Variants in CSMD1 observed in about 807,000 individuals in gnomAD.
The protein encoded by CSMD1 is CUB and sushi domain-containing protein 1.
In CSMD1, 213 loss-of-function variants were observed where a neutral mutation model predicts 417.5. The ratio of observed to expected loss-of-function variants is 0.51; its 90% CI spans 0.46 to 0.57. CSMD1 has a LOEUF of 0.57. Ranked by LOEUF, CSMD1 falls within the 20% of genes least tolerant of loss-of-function variation. The pLI, the probability that CSMD1 is intolerant of heterozygous loss-of-function variation, is 0.00. For missense variants in CSMD1, 6,923 were observed against 4,529.7 expected, an observed-to-expected ratio of 1.53 and a Z score of -15.17; for synonymous variants, 2,862 against 1,736.8, an observed-to-expected ratio of 1.65 and a Z score of -16.11.
intron 1 of CSMD1, among the ~76,000 whole-genome samples, chr8:4,749,735 A>G (rs1008416470): frequency 1.3e-5 from 2 of 152,208 alleles, no homozygotes; most frequent in East Asian, 1.9e-4. Context: ...TAATAATTAC[A>G]TATTTCATAA....
intron 3 of CSMD1, among the ~76,000 whole-genome samples, chr8:4,380,711 G>T (rs1394586131): frequency 1.3e-5 from 2 of 152,162 alleles, no homozygotes; most frequent in Non-Finnish European, 2.9e-5. Context: ...GAGGATTGTG[G>T]ATGTTGTATC....
At position 4,012,504 on chromosome 8, in the gene CSMD1, G is replaced by C. The variant is rs142552366; in HGVS notation, c.611-14394C>G. On this transcript the variant is annotated intron_variant, in intron 4 of 69. Coordinates refer to ENST00000635120, the MANE Select transcript of CSMD1 (RefSeq NM_033225.6). ...CATAAATCTTGTGTTTCGAGGTGTG[G>C]TGTATGCATGATCCCTACACCCAGG... is the stretch of plus-strand genomic sequence containing the variant. 1.1e-3 allele frequency among the ~76,000 whole-genome samples: 161 copies of C among 152,208 alleles called. 4 individuals carry two copies. In the East Asian group the frequency reaches 0.022, roughly 21 times the overall value.
intron 5 of CSMD1, among the ~76,000 whole-genome samples, chr8:3,937,739 C>T (rs2912286): frequency 3.9e-5 from 6 of 151,924 alleles, no homozygotes; most frequent in African/African-American, 1.5e-4. Flanking sequence ...ACACCAGGTA[C>T]GATATTACTG....
chr8:3,257,182 T>C (rs1444976995), intron 26 of CSMD1, among the ~76,000 whole-genome samples: 1 of 151,918 alleles, frequency 6.6e-6, no homozygotes, highest in East Asian at 1.9e-4. Flanking sequence ...ATTTGCTGGG[T>C]TTGGTGGTGC....
At position 4,281,790 on chromosome 8, in the gene CSMD1, A is replaced by C. The variant is rs1233764822; in HGVS notation, c.415+138163T>G. 2.0e-5 allele frequency among the ~76,000 whole-genome samples: 3 copies of C among 152,340 alleles called. No individual in the cohort carries two copies. In the East Asian group the frequency reaches 5.8e-4, roughly 29 times the overall value. ...AAAGGAATAAAGTGATAACTGTATT[A>C]AAACTTAATCTTATTACATTGTAAA... On this transcript the variant is annotated intron_variant, in intron 3 of 69. Coordinates refer to ENST00000635120, the MANE Select transcript of CSMD1 (RefSeq NM_033225.6).
At chr8:4,231,265 G>C (rs1801710163) in intron 3 of CSMD1, among the ~76,000 whole-genome samples, 1 of 152,182 alleles carries the variant, frequency 6.6e-6, no homozygotes, top group African/African-American at 2.4e-5. Flanking sequence ...GAAGCCATCT[G>C]TTACCAGAGG....
At chr8:4,493,292 T>A (rs964279409) in intron 2 of CSMD1, among the ~76,000 whole-genome samples, 4 of 152,110 alleles carry the variant, frequency 2.6e-5, no homozygotes, top group Non-Finnish European at 5.9e-5. Flanking sequence ...AATTTTAAAA[T>A]CCTAAGAGAG....
chr8:3,232,226 T>C lies in CSMD1; in HGVS notation c.4154-1995A>G, dbSNP rs1798884265. ...TTCACAGTGACTATAAATGTATGCA[T>C]TCCACTTTTAGCCACATATATCAGT... On this transcript the variant is annotated intron_variant, in intron 26 of 69. Coordinates refer to ENST00000635120, the MANE Select transcript of CSMD1 (RefSeq NM_033225.6). 3.9e-5 allele frequency among the ~76,000 whole-genome samples: 6 copies of C among 152,234 alleles called. No homozygotes were observed. In the South Asian group the frequency reaches 1.0e-3, roughly 26 times the overall value.
chr8:4,319,120 T>A (rs1427332258), intron 3 of CSMD1, among the ~76,000 whole-genome samples: 2 of 152,164 alleles, frequency 1.3e-5, no homozygotes, highest in Non-Finnish European at 2.9e-5. Context: ...TAAGGAGGAT[T>A]TTAAAAGCAG....
chr8:3,707,541 G>A (rs1054826766), intron 7 of CSMD1, among the ~76,000 whole-genome samples: 2 of 152,194 alleles, frequency 1.3e-5, no homozygotes, highest in Admixed American at 6.5e-5. Flanking sequence ...AACCCACTTG[G>A]TATCTCAGTA....
At chr8:4,338,398 A>G (rs1402462775) in intron 3 of CSMD1, among the ~76,000 whole-genome samples, 1 of 152,160 alleles carries the variant, frequency 6.6e-6, no homozygotes, top group Non-Finnish European at 1.5e-5. Context: ...GTAAAAGTAC[A>G]TACTAGTGTG....
chr8:3,652,269 T>A (rs13279737), intron 7 of CSMD1, among the ~76,000 whole-genome samples: 1 of 150,590 alleles, frequency 6.6e-6, no homozygotes, highest in South Asian at 2.1e-4. Flanking sequence ...CCACCATCAG[T>A]GCGCTTACCA....
intron 5 of CSMD1, among the ~76,000 whole-genome samples, chr8:3,778,830 A>C (rs1020984139): frequency 6.6e-6 from 1 of 152,164 alleles, no homozygotes; most frequent in Non-Finnish European, 1.5e-5. Context: ...GTACAAGTTT[A>C]TTATTCCTCA....
At chr8:3,803,907 G>A (rs1255447138) in intron 5 of CSMD1, among the ~76,000 whole-genome samples, 2 of 152,102 alleles carry the variant, frequency 1.3e-5, no homozygotes, top group Non-Finnish European at 2.9e-5. Flanking sequence ...GACAAGGAGA[G>A]AAGGTTAAGA....
At chr8:4,020,489 C>G (rs1796735906) in intron 4 of CSMD1, among the ~76,000 whole-genome samples, 1 of 152,160 alleles carries the variant, frequency 6.6e-6, no homozygotes, top group African/African-American at 2.4e-5. Context: ...GTCAGGCTGC[C>G]TGGGTCCAGA....
chr8:3,553,989 G>T (rs897240885), intron 10 of CSMD1, among the ~76,000 whole-genome samples: 1 of 152,102 alleles, frequency 6.6e-6, no homozygotes, highest in Non-Finnish European at 1.5e-5. Flanking sequence ...GGTGAAATTT[G>T]CTTTCTCTAG....
At chr8:4,242,242 A>G (rs371739385) in intron 3 of CSMD1, among the ~76,000 whole-genome samples, 13 of 152,172 alleles carry the variant, frequency 8.5e-5, no homozygotes, top group African/African-American at 2.9e-4. Flanking sequence ...AAATTTGCCA[A>G]TCTTTATAAA....
chr8:3,801,711 G>A (rs1174880084), intron 5 of CSMD1, among the ~76,000 whole-genome samples: 2 of 152,032 alleles, frequency 1.3e-5, no homozygotes, highest in East Asian at 1.9e-4. Context: ...TCCAAAATAT[G>A]GAAACAATTC....
intron 5 of CSMD1, among the ~76,000 whole-genome samples, chr8:3,925,479 C>G (rs531532866): frequency 3.0e-4 from 45 of 152,226 alleles, no homozygotes; most frequent in African/African-American, 1.0e-3. Flanking sequence ...GTTCATAATG[C>G]TGGGTGGTAA....
Sources: gnomAD v4.1 joint callset for allele counts (sites outside exome capture counted in the v4.1 genomes callset) on GRCh38, gnomAD v4.1.1 for gene constraint, MANE v1.5 for transcripts, NCBI Gene and HGNC (gene_info 2026-07-23, HGNC 2026-07-21) for gene names.